The following ANKMY2 variants were observed in gnomAD, a reference collection of about 807,000 sequenced individuals.
ANKMY2 encodes the protein ankyrin repeat and MYND domain-containing protein 2.
Under a neutral mutation model 50.4 loss-of-function variants are expected in ANKMY2, and 36 were observed. That is an observed-to-expected ratio of 0.71 (90% CI 0.55 to 0.94). The LOEUF is 0.94. Among genes scored for constraint, ANKMY2 ranks in the 40% least tolerant of loss-of-function variants. ANKMY2 has a pLI of 0.00. For missense variants in ANKMY2, 565 were observed against 524.0 expected, an observed-to-expected ratio of 1.08 and a Z score of -0.76; for synonymous variants, 187 against 178.8, an observed-to-expected ratio of 1.05 and a Z score of -0.36.
chr7:16,642,251 A>G (rs1464400534), intron 1 of ANKMY2, among the ~76,000 whole-genome samples: 1 of 152,208 alleles, frequency 6.6e-6, no homozygotes, highest in Non-Finnish European at 1.5e-5. Flanking sequence ...TTTATTTCAT[A>G]ATAGTGCTTG....
intron 1 of ANKMY2, among the ~76,000 whole-genome samples, chr7:16,638,656 G>T (rs973514059): frequency 1.7e-4 from 26 of 152,292 alleles, no homozygotes; most frequent in African/African-American, 6.0e-4. Flanking sequence ...TCCTGAAGAT[G>T]CGGGGAGGGG....
At chr7:16,635,850 C>T (rs984850448) in intron 2 of ANKMY2, among the ~76,000 whole-genome samples, 1 of 152,070 alleles carries the variant, frequency 6.6e-6, no homozygotes, top group Non-Finnish European at 1.5e-5. Flanking sequence ...CCATGCTTGA[C>T]AAGAAATAAT....
rs751236480 is a variant in ANKMY2, at chr7:16,615,834, G to C, written c.441C>G (p.Pro147=). Residue 147 remains proline, a synonymous_variant, in exon 5 of 10, where the codon CCC becomes CCG. Transcript: ENST00000306999. ...GTTTTGGCTCTTTATCCAGTCCCTGGGGCTTAGTGTAATAATCCAGTCTCT... is the reference window on the plus strand; with the variant it reads ...GTTTTGGCTCTTTATCCAGTCCCTGCGGCTTAGTGTAATAATCCAGTCTCT... ...PRERLDYYTK[P]QGLDKEPKLP... is the part of the protein sequence containing the mutation. 1.2e-6 allele frequency: 2 copies of C among 1,614,104 alleles called. No homozygotes were observed. Among genetic ancestry groups the C allele is most frequent in the South Asian group, 1.1e-5 (1 of 91,084 alleles).
Position 16,609,614 on chromosome 7 carries a change from G to GT in ANKMY2, c.882+15dup. ...GGTTTTACTGATAGAGTCAACTTAGGTAAGAGGAGCCTTACAATTTCAACA... is the reference window on the plus strand; with the variant it reads ...GGTTTTACTGATAGAGTCAACTTAGGTTAAGAGGAGCCTTACAATTTCAACA... On this transcript the variant is annotated intron_variant, in intron 7 of 9. Transcript: ENST00000306999. The GT allele has an allele frequency of 6.3e-7, 1 of 1,590,522 alleles. No individual in the cohort carries two copies. The highest frequency in any genetic ancestry group is 8.5e-7 in the Non-Finnish European group (1 of 1,173,278).
chr7:16,622,733 C>A (rs1222598205), intron 4 of ANKMY2, among the ~76,000 whole-genome samples: 1 of 148,142 alleles, frequency 6.8e-6, no homozygotes, highest in Non-Finnish European at 1.5e-5. Context: ...GGGCGAGACT[C>A]CATCTCAAAA....
At chr7:16,644,920 C>A in intron 1 of ANKMY2, 1 of 343,360 alleles carries the variant, frequency 2.9e-6, no homozygotes. Flanking sequence ...CCTTGTCTCT[C>A]TAGGGTTCCT....
At chr7:16,623,016 G>C (rs1384319644) in intron 4 of ANKMY2, among the ~76,000 whole-genome samples, 1 of 152,144 alleles carries the variant, frequency 6.6e-6, no homozygotes. Context: ...GTATCATATA[G>C]CTGTTGAAGG....
At chr7:16,609,270 A>C (rs182061469) in intron 7 of ANKMY2, among the ~76,000 whole-genome samples, 9 of 152,172 alleles carry the variant, frequency 5.9e-5, no homozygotes, top group African/African-American at 1.4e-4. Context: ...TGATCAATTC[A>C]TACTTGCATC....
intron 2 of ANKMY2, 41 bp downstream of exon 2, chr7:16,636,350 T>C (rs551273775): frequency 1.8e-6 from 2 of 1,094,148 alleles, no homozygotes; most frequent in South Asian, 1.5e-5. Flanking sequence ...TATCTCTTCT[T>C]ATAGGAAGTA....
At chr7:16,601,051 T>C (rs1781053138) in intron 9 of ANKMY2, 106 bp from the exon 10 acceptor site, 2 of 830,382 alleles carry the variant, frequency 2.4e-6, no homozygotes, top group Non-Finnish European at 3.5e-6. Context: ...ATGAGGTATA[T>C]TAGTATCTCT....
chr7:16,632,706 T>C (rs532288993), intron 2 of ANKMY2, among the ~76,000 whole-genome samples: 17 of 152,364 alleles, frequency 1.1e-4, no homozygotes, highest in African/African-American at 3.8e-4. Flanking sequence ...AATGCTGTTA[T>C]AAACATGCAT....
chr7:16,639,138 T>A (rs559785949), intron 1 of ANKMY2, among the ~76,000 whole-genome samples: 10 of 152,324 alleles, frequency 6.6e-5, no homozygotes, highest in African/African-American at 1.9e-4. Flanking sequence ...GTAATGACAT[T>A]AGTCGGAAAT....
intron 9 of ANKMY2, among the ~76,000 whole-genome samples, chr7:16,601,331 A>C (rs2128341389): frequency 6.6e-6 from 1 of 152,366 alleles, no homozygotes; most frequent in South Asian, 2.1e-4. Flanking sequence ...GCAGGTAATA[A>C]AGGCTATCCT....
At chr7:16,618,736 T>C (rs531814813) in intron 4 of ANKMY2, among the ~76,000 whole-genome samples, 15 of 152,188 alleles carry the variant, frequency 9.9e-5, no homozygotes, top group Admixed American at 9.2e-4. Flanking sequence ...GAGAGAAAAA[T>C]GACATTCAAC....
intron 2 of ANKMY2, among the ~76,000 whole-genome samples, chr7:16,634,464 C>G (rs1032228538): frequency 6.6e-6 from 1 of 152,112 alleles, no homozygotes; most frequent in African/African-American, 2.4e-5. Flanking sequence ...GTTGAGCATC[C>G]AGGGTCACCA....
intron 4 of ANKMY2, among the ~76,000 whole-genome samples, chr7:16,616,244 CGCAAATGAT>C (rs1781346452): frequency 6.6e-6 from 1 of 152,138 alleles, no homozygotes; most frequent in Non-Finnish European, 1.5e-5. Context: ...TCCCAGCCTA[CGCAAATGAT>C]GCTCATGTTT....
rs1372655813 is a variant in ANKMY2 at position 16,636,493 on chromosome 7, T to C, written c.68-38A>G. The C allele has an allele frequency of 2.7e-6, 4 of 1,481,362 alleles. No individual in the cohort carries two copies. The Admixed American group carries it at 8.2e-5, about 30-fold the overall frequency. The allele number at this position is 1,481,362 out of a possible 1,614,324, so 91.8% of individuals were successfully genotyped here. ...AAAAGATGAAAAGTAAGGTTATTCG[T>C]CACTAGAATAAGAGAAAAATCTAAC... On this transcript the variant is annotated intron_variant, in intron 1 of 9. Transcript: ENST00000306999.
At chr7:16,635,410 T>C (rs1165033990) in intron 2 of ANKMY2, among the ~76,000 whole-genome samples, 1 of 152,164 alleles carries the variant, frequency 6.6e-6, no homozygotes, top group Non-Finnish European at 1.5e-5. Flanking sequence ...AGGTAATGGA[T>C]ATCTACGTTA....
chr7:16,610,213 A>T (rs1781224803), intron 6 of ANKMY2, among the ~76,000 whole-genome samples: 1 of 152,178 alleles, frequency 6.6e-6, no homozygotes, highest in African/African-American at 2.4e-5. Context: ...TTACAAACCT[A>T]GGGCTGCGAC....
Sources: gnomAD v4.1 joint callset for allele counts (sites outside exome capture counted in the v4.1 genomes callset) on GRCh38, gnomAD v4.1.1 for gene constraint, MANE v1.5 for transcripts, NCBI Gene and HGNC (gene_info 2026-07-23, HGNC 2026-07-21) for gene names.